The following RNGTT variants were observed in gnomAD, a reference collection of about 807,000 sequenced individuals.
The protein encoded by RNGTT is RNA guanylyltransferase and 5'-phosphatase.
In RNGTT, 33 loss-of-function variants were observed where a neutral mutation model predicts 79.3. That is an observed-to-expected ratio of 0.42 (90% CI 0.32 to 0.56). The LOEUF (loss-of-function observed/expected upper bound fraction) is 0.56. Among genes scored for constraint, RNGTT ranks in the 20% least tolerant of loss-of-function variants. RNGTT has a pLI of 0.17. For missense variants in RNGTT, 497 were observed against 739.1 expected, an observed-to-expected ratio of 0.67 and a Z score of 3.80; for synonymous variants, 222 against 235.9, an observed-to-expected ratio of 0.94 and a Z score of 0.54.
chr6:88,691,233 G>A (rs2610759), intron 13 of RNGTT, among the ~76,000 whole-genome samples: 9 of 151,930 alleles, frequency 5.9e-5, no homozygotes, highest in Non-Finnish European at 1.0e-4. Flanking sequence ...CCCCCTTTGC[G>A]CTCTCTTCCT....
intron 13 of RNGTT, among the ~76,000 whole-genome samples, chr6:88,757,825 C>A (rs1778070931): frequency 6.6e-6 from 1 of 152,142 alleles, no homozygotes; most frequent in East Asian, 1.9e-4. Context: ...GACAGGCCAA[C>A]CATGTAGCTA....
At chr6:88,699,791 T>C (rs1775884296) in intron 13 of RNGTT, among the ~76,000 whole-genome samples, 1 of 152,234 alleles carries the variant, frequency 6.6e-6, no homozygotes, top group Admixed American at 6.5e-5. Context: ...GAAAACATTA[T>C]GCTAAGTGAC....
At chr6:88,762,345 C>A (rs183042833) in intron 13 of RNGTT, among the ~76,000 whole-genome samples, 1 of 152,140 alleles carries the variant, frequency 6.6e-6, no homozygotes, top group East Asian at 1.9e-4. Context: ...GGGAAATAAA[C>A]CAAAAGCAGT....
intron 14 of RNGTT, among the ~76,000 whole-genome samples, chr6:88,658,439 C>T (rs1264954375): frequency 1.3e-5 from 2 of 152,310 alleles, no homozygotes; most frequent in Non-Finnish European, 2.9e-5. Context: ...GTAGACACTC[C>T]CCAGCACTAG....
intron 11 of RNGTT, among the ~76,000 whole-genome samples, chr6:88,841,008 C>T (rs1390705539): frequency 6.6e-6 from 1 of 152,124 alleles, no homozygotes; most frequent in Non-Finnish European, 1.5e-5. Flanking sequence ...AGGAATCTGG[C>T]TTTTGCCCAA....
At chr6:88,762,337 G>A (rs1214350595) in intron 13 of RNGTT, among the ~76,000 whole-genome samples, 1 of 152,134 alleles carries the variant, frequency 6.6e-6, no homozygotes, top group Non-Finnish European at 1.5e-5. Flanking sequence ...CCCTACCAGG[G>A]AAATAAACCA....
intron 2 of RNGTT, among the ~76,000 whole-genome samples, chr6:88,940,349 GATTACAGGCATGAGCC>G (rs1406200608): frequency 6.6e-6 from 1 of 152,220 alleles, no homozygotes; most frequent in East Asian, 1.9e-4. Context: ...AAAGTGTTGG[GATTACAGGCATGAGCC>G]ATGGCACCCA....
chr6:88,956,505 A>T (rs1785435904), intron 1 of RNGTT, among the ~76,000 whole-genome samples: 1 of 152,222 alleles, frequency 6.6e-6, no homozygotes, highest in South Asian at 2.1e-4. Context: ...ACTATTCCAA[A>T]AGACAGAGAA....
chr6:88,770,512 G>C (rs898629381), intron 12 of RNGTT, among the ~76,000 whole-genome samples: 12 of 152,248 alleles, frequency 7.9e-5, no homozygotes, highest in African/African-American at 2.9e-4. Context: ...GGATTCCATT[G>C]TATGTATATA....
At chr6:88,685,250 A>G (rs192739205) in intron 13 of RNGTT, among the ~76,000 whole-genome samples, 50 of 152,308 alleles carry the variant, frequency 3.3e-4, no homozygotes, top group Middle Eastern at 3.4e-3. Context: ...CTAAATCCAT[A>G]GCACTATAAA....
At chr6:88,899,526 C>T (rs1419869582) in intron 6 of RNGTT, among the ~76,000 whole-genome samples, 2 of 152,226 alleles carry the variant, frequency 1.3e-5, no homozygotes, top group East Asian at 1.9e-4. Context: ...AATCCTTCCG[C>T]CTCGGCCTCC....
chr6:88,634,589 C>T (rs899224635), intron 14 of RNGTT, among the ~76,000 whole-genome samples: 5 of 152,036 alleles, frequency 3.3e-5, no homozygotes, highest in African/African-American at 4.8e-5. Flanking sequence ...GGGTTGGCTT[C>T]GAGTCCCTTA....
intron 13 of RNGTT, among the ~76,000 whole-genome samples, chr6:88,691,066 TC>T (rs1270231494): frequency 6.6e-6 from 1 of 152,164 alleles, no homozygotes; most frequent in Non-Finnish European, 1.5e-5. Flanking sequence ...TGGATTTGTG[TC>T]CCCGCCCAAA....
At chr6:88,857,883 CA>C (rs1554224957) in intron 8 of RNGTT, among the ~76,000 whole-genome samples, 1 of 152,036 alleles carries the variant, frequency 6.6e-6, no homozygotes, top group Non-Finnish European at 1.5e-5. Flanking sequence ...TAGAAATAAA[CA>C]CAAATTGCTT....
chr6:88,909,343 G>A (rs545297010), intron 4 of RNGTT, among the ~76,000 whole-genome samples: 6 of 151,954 alleles, frequency 3.9e-5, no homozygotes, highest in South Asian at 2.1e-4. Context: ...CTGCAAACCC[G>A]GGCCATGGTC....
At chr6:88,782,576 T>C (rs1398235086) in intron 12 of RNGTT, among the ~76,000 whole-genome samples, 2 of 150,764 alleles carry the variant, frequency 1.3e-5, no homozygotes, top group African/African-American at 2.5e-5. Flanking sequence ...AAAAACCTTC[T>C]GCACAGCAAA....
intron 4 of RNGTT, among the ~76,000 whole-genome samples, chr6:88,926,347 C>T (rs1336621204): frequency 1.3e-5 from 2 of 152,110 alleles, no homozygotes; most frequent in African/African-American, 4.8e-5. Context: ...TTTTCTTGCT[C>T]ATAACTTGCA....
At chr6:88,626,101 A>T (rs933055982) in intron 14 of RNGTT, among the ~76,000 whole-genome samples, 5 of 152,022 alleles carry the variant, frequency 3.3e-5, no homozygotes, top group Admixed American at 6.6e-5. Flanking sequence ...GGCATAGAGG[A>T]GTTATATAAT....
intron 6 of RNGTT, among the ~76,000 whole-genome samples, chr6:88,902,778 C>A (rs1056743743): frequency 1.3e-5 from 2 of 148,720 alleles, no homozygotes; most frequent in South Asian, 4.2e-4. Flanking sequence ...TCACTGCAAC[C>A]TCTGCCTCTG....
Sources: gnomAD v4.1 joint callset for allele counts (sites outside exome capture counted in the v4.1 genomes callset) on GRCh38, gnomAD v4.1.1 for gene constraint, MANE v1.5 for transcripts, NCBI Gene and HGNC (gene_info 2026-07-23, HGNC 2026-07-21) for gene names.